PTPRD: variants seen among roughly 807,000 people sequenced by gnomAD.
PTPRD encodes the protein receptor-type tyrosine-protein phosphatase delta.
PTPRD carries 34 observed loss-of-function variants against 214.5 expected under a neutral mutation model. The observed-to-expected ratio is 0.16, with a 90% confidence interval of 0.12 to 0.21. PTPRD has a LOEUF of 0.21. Among genes scored for constraint, PTPRD ranks in the 10% least tolerant of loss-of-function variants. The pLI, the probability that PTPRD is intolerant of heterozygous loss-of-function variation, is 1.00. For synonymous variants in PTPRD, 1,128 were observed against 845.7 expected, an observed-to-expected ratio of 1.33 and a Z score of -5.79; for missense variants, 2,545 against 2,398.7, an observed-to-expected ratio of 1.06 and a Z score of -1.27.
intron 12 of PTPRD, among the ~76,000 whole-genome samples, chr9:8,673,017 G>A (rs1333035292): frequency 3.3e-5 from 5 of 151,920 alleles, no homozygotes; most frequent in Non-Finnish European, 7.4e-5. Flanking sequence ...ATTAAAATGA[G>A]CTTATCAAAC....
At chr9:8,690,686 G>C (rs1359329880) in intron 12 of PTPRD, among the ~76,000 whole-genome samples, 1 of 151,954 alleles carries the variant, frequency 6.6e-6, no homozygotes, top group African/African-American at 2.4e-5. Context: ...ACTGACAGAG[G>C]GGGGAGAATG....
intron 10 of PTPRD, among the ~76,000 whole-genome samples, chr9:9,120,215 T>G (rs2099816300): frequency 6.6e-6 from 1 of 152,174 alleles, no homozygotes; most frequent in African/African-American, 2.4e-5. Flanking sequence ...ACTGAAGAAA[T>G]CTGTTCACCA....
At chr9:10,443,612 G>A (rs2098776679) in intron 2 of PTPRD, among the ~76,000 whole-genome samples, 1 of 151,508 alleles carries the variant, frequency 6.6e-6, no homozygotes, top group South Asian at 2.1e-4. Context: ...ATGCCTCATA[G>A]ATTTTTTTTC....
intron 14 of PTPRD, among the ~76,000 whole-genome samples, chr9:8,544,185 T>TTTTTTTTTG (rs369919861): frequency 7.3e-6 from 1 of 137,722 alleles, no homozygotes; most frequent in African/African-American, 2.8e-5. Flanking sequence ...TTTTTTTTTT[T>TTTTTTTTTG]GAGACAGAGT....
rs1278626120 is a variant in PTPRD at position 9,362,651 on chromosome 9, T to C, written c.-203+34798A>G. On this transcript the variant is annotated intron_variant, in intron 9 of 45. Coordinates refer to ENST00000381196, the MANE Select transcript of PTPRD (RefSeq NM_002839.4). ...ACTTACCCCTAAGAACAATTTTTAG[T>C]TGACTCTCAAGGGGCCAATACGTGC... 5.9e-5 allele frequency among the ~76,000 whole-genome samples: 9 copies of C among 151,312 alleles called. No homozygotes were observed. The East Asian group carries it at 1.8e-3, about 29-fold the overall frequency.
At chr9:9,816,713 C>G (rs2048889214) in intron 5 of PTPRD, among the ~76,000 whole-genome samples, 1 of 151,826 alleles carries the variant, frequency 6.6e-6, no homozygotes, top group Admixed American at 6.6e-5. Context: ...GATGCCTTAC[C>G]CCAAAATATC....
chr9:9,146,849 C>A (rs935428560), intron 10 of PTPRD, among the ~76,000 whole-genome samples: 3 of 152,080 alleles, frequency 2.0e-5, no homozygotes, highest in African/African-American at 7.2e-5. Flanking sequence ...AATAGGTGGA[C>A]CATTTCTACT....
intron 3 of PTPRD, among the ~76,000 whole-genome samples, chr9:10,326,390 C>A (rs2096643859): frequency 6.6e-6 from 1 of 151,556 alleles, no homozygotes; most frequent in African/African-American, 2.4e-5. Context: ...GATTTATTAA[C>A]TAAACAAAGT....
chr9:10,184,361 G>A (rs1225890274), intron 3 of PTPRD, among the ~76,000 whole-genome samples: 1 of 152,060 alleles, frequency 6.6e-6, no homozygotes, highest in Admixed American at 6.6e-5. Flanking sequence ...GGAGGCAGAG[G>A]TTGCAATGAG....
intron 2 of PTPRD, among the ~76,000 whole-genome samples, chr9:10,412,226 AG>A (rs2098443264): frequency 6.6e-6 from 1 of 151,762 alleles, no homozygotes; most frequent in Non-Finnish European, 1.5e-5. Flanking sequence ...AAATGAAAAA[AG>A]GAATGTTACC....
At chr9:10,500,736 C>T (rs1234845199) in intron 2 of PTPRD, among the ~76,000 whole-genome samples, 1 of 151,808 alleles carries the variant, frequency 6.6e-6, no homozygotes, top group Admixed American at 6.6e-5. Context: ...CAATCCTACT[C>T]TCTATCTCCA....
chr9:9,027,463 ACT>A (rs2099591196), intron 10 of PTPRD, among the ~76,000 whole-genome samples: 1 of 151,950 alleles, frequency 6.6e-6, no homozygotes, highest in African/African-American at 2.4e-5. Context: ...TTTCTAAATT[ACT>A]CTCATAAATA....
intron 2 of PTPRD, among the ~76,000 whole-genome samples, chr9:10,384,856 T>C (rs1435835703): frequency 1.3e-5 from 2 of 151,806 alleles, no homozygotes; most frequent in African/African-American, 2.4e-5. Flanking sequence ...TAACGATGTA[T>C]AAAATTGTTC....
intron 43 of PTPRD, among the ~76,000 whole-genome samples, chr9:8,332,332 C>A (rs1842283631): frequency 6.6e-6 from 1 of 152,070 alleles, no homozygotes; most frequent in South Asian, 2.1e-4. Flanking sequence ...CCTGGATGCC[C>A]CCCATGTCTC....
At chr9:10,503,062 G>C (rs2044320069) in intron 2 of PTPRD, among the ~76,000 whole-genome samples, 1 of 150,996 alleles carries the variant, frequency 6.6e-6, no homozygotes, top group African/African-American at 2.4e-5. Flanking sequence ...TTTTCTTTTT[G>C]AACTATGGTT....
chr9:8,789,578 C>A (rs995491106), intron 11 of PTPRD, among the ~76,000 whole-genome samples: 20 of 152,052 alleles, frequency 1.3e-4, no homozygotes, highest in African/African-American at 4.8e-4. Flanking sequence ...GTTTAAATTC[C>A]GTTATTGGCA....
intron 5 of PTPRD, among the ~76,000 whole-genome samples, chr9:9,770,708 T>G (rs564247415): frequency 6.6e-6 from 1 of 152,284 alleles, no homozygotes; most frequent in South Asian, 2.1e-4. Flanking sequence ...TGTTTGTTTG[T>G]TGATTGCTTC....
chr9:8,641,859 T>C (rs2096584215), intron 12 of PTPRD, among the ~76,000 whole-genome samples: 1 of 152,210 alleles, frequency 6.6e-6, no homozygotes, highest in Non-Finnish European at 1.5e-5. Flanking sequence ...TTGGATGCCA[T>C]ATCATGTTTC....
rs147601049 is a variant in PTPRD, at chr9:9,970,462, GAAA to G, written c.-471-31855_-471-31853del. Among the ~76,000 whole-genome samples, 125 of 144,514 alleles carry G rather than the reference GAAA, an allele frequency of 8.6e-4. 4 individuals carry two copies. In the South Asian group the frequency reaches 0.027, roughly 31 times the overall value. The allele number at this position is 144,514 out of a possible 152,430, so 94.8% of individuals were successfully genotyped here. A position where few individuals can be genotyped will look rare whatever the true frequency, so the allele number is the denominator to read the frequency against. On this transcript the variant is annotated intron_variant, in intron 4 of 45. Transcript: ENST00000381196. ...AAAAAAAGAAAAAGAAAAAGAAAAAGAAAAAAAAAATTACTTTTGTGGTTGAAT... is the reference window on the plus strand; with the variant it reads ...AAAAAAAGAAAAAGAAAAAGAAAAAGAAAAAAATTACTTTTGTGGTTGAAT...
Sources: gnomAD v4.1 joint callset for allele counts (sites outside exome capture counted in the v4.1 genomes callset) on GRCh38, gnomAD v4.1.1 for gene constraint, MANE v1.5 for transcripts, NCBI Gene and HGNC (gene_info 2026-07-23, HGNC 2026-07-21) for gene names.